Variants in CPS1 observed in about 807,000 individuals in gnomAD.
CPS1 encodes carbamoyl-phosphate synthase [ammonia], mitochondrial.
In CPS1, 109 loss-of-function variants were observed where a neutral mutation model predicts 174.6. The observed-to-expected ratio is 0.62, with a 90% CI of 0.53 to 0.73. CPS1 has a LOEUF of 0.73. CPS1 is among the 30% of genes least tolerant of loss of function. CPS1 has a pLI of 0.00. For missense variants in CPS1, 1,689 were observed against 1,821.9 expected (o/e 0.93, Z 1.33); for synonymous variants, 637 against 632.0 (o/e 1.01, Z -0.12).
chr2:210,612,433 ACTGG>A, intron 20 of CPS1, 140 bp downstream of exon 20: 1 of 761,682 alleles, frequency 1.3e-6, no homozygotes, highest in South Asian at 1.5e-5. Context: ...ATAGTATTAA[ACTGG>A]AAACATCTAT....
At position 210,528,420 on chromosome 2, in the gene CPS1, C is replaced by T. The variant is rs530972457; in HGVS notation, c.4-28299C>T. ...TATTGTACATTTGAGAGACTATCTC[C>T]TCTCATTATGTATTGATTTAATTCA... On this transcript the variant is annotated intron_variant, in intron 1 of 38. Coordinates refer to the CPS1 transcript ENST00000430249. Among the ~76,000 whole-genome samples, 4 of 152,022 alleles carry T rather than the reference C, an allele frequency of 2.6e-5. No individual in the cohort carries two copies. In the South Asian group the frequency reaches 6.2e-4, roughly 24 times the overall value.
chr2:210,611,863 A>G (rs1251335598), intron 19 of CPS1, among the ~76,000 whole-genome samples: 4 of 151,800 alleles, frequency 2.6e-5, no homozygotes, highest in Non-Finnish European at 4.4e-5. Flanking sequence ...TTCCTCATCA[A>G]TCTCAGCAAA....
At chr2:210,569,344 C>T (rs1056169691) in intron 1 of CPS1, among the ~76,000 whole-genome samples, 3 of 151,786 alleles carry the variant, frequency 2.0e-5, no homozygotes, top group Admixed American at 6.6e-5. Context: ...ACATCTAAGC[C>T]AAGAGGAAGG....
Position 210,674,942 on chromosome 2 carries a change from T to C in CPS1, c.4142T>C (p.Leu1381Ser). The change falls in exon 35 of 38, where the codon TTA becomes TCA. Residue 1381 changes from leucine to serine, a missense_variant. Leu to Ser is a moderately radical substitution (Grantham distance 145). Transcript: ENST00000233072. ...AGATTCCTTGGTGTGGCTGAACAAT[T>C]ACACAATGAAGGTTTCAAGGTATGT... Reference protein sequence around the residue: ...RPRFLGVAEQLHNEGFKLFAT... With the variant: ...RPRFLGVAEQSHNEGFKLFAT... The C allele has an allele frequency of 1.2e-6, 2 of 1,613,600 alleles. No individual in the cohort carries two copies. Among genetic ancestry groups the C allele is most frequent in the Non-Finnish European group, 1.7e-6 (2 of 1,179,512 alleles).
In CPS1 at chr2:210,678,351, C is replaced by CT; in HGVS notation, c.*367dup. The CT allele has an allele frequency of 3.3e-6, 1 of 301,826 alleles. No homozygotes were observed. 18.7% of individuals were successfully genotyped at this position (301,826 alleles called of 1,614,324 possible). ...AACTCTTTCTATACTTTAAGATACT[C>CT]TATTTTTAAAACACTATCTGCAAAC... On this transcript the variant is annotated 3_prime_UTR_variant, in exon 38 of 38. Coordinates refer to ENST00000233072, the MANE Select transcript of CPS1 (RefSeq NM_001875.5).
chr2:210,642,052 G>A (rs1159444631), intron 24 of CPS1, among the ~76,000 whole-genome samples: 3 of 152,202 alleles, frequency 2.0e-5, no homozygotes, highest in African/African-American at 4.8e-5. Context: ...TCAGCCCTCA[G>A]ACAGCAGATT....
chr2:210,532,510 G>A (rs1317210145), intron 1 of CPS1, among the ~76,000 whole-genome samples: 1 of 152,004 alleles, frequency 6.6e-6, no homozygotes, highest in African/African-American at 2.4e-5. Context: ...CTTAGGACTA[G>A]GGTAATGACT....
At position 210,536,482 on chromosome 2, in the gene CPS1, G is replaced by A. The variant is rs567639306; in HGVS notation, c.4-20237G>A. ...ACTACAGGCGCCCGCCACCATGTCC[G>A]GCTAATTTATTTTTGTATTTTTAGT... On this transcript the variant is annotated intron_variant, in intron 1 of 38. Coordinates refer to the CPS1 transcript ENST00000430249. Among the ~76,000 whole-genome samples the A allele has an allele frequency of 1.3e-4, 20 of 152,034 alleles. No individual in the cohort carries two copies. The South Asian group carries it at 3.8e-3, about 29-fold the overall frequency.
chr2:210,637,971 G>C (rs1700090450), intron 22 of CPS1, 128 bp downstream of exon 22: 2 of 1,053,938 alleles, frequency 1.9e-6, no homozygotes, highest in Admixed American at 3.7e-5. Flanking sequence ...TACTCATCCG[G>C]TTGATGCTCA....
chr2:210,520,585 T>C (rs1312355099), intron 1 of CPS1, among the ~76,000 whole-genome samples: 1 of 152,056 alleles, frequency 6.6e-6, no homozygotes, highest in Non-Finnish European at 1.5e-5. Context: ...TAATGCCTTT[T>C]CATTATCTCT....
chr2:210,606,975 A>T (rs780134463), intron 18 of CPS1, 34 bp downstream of exon 18: 1 of 1,583,242 alleles, frequency 6.3e-7, no homozygotes, highest in East Asian at 2.3e-5. Flanking sequence ...GGGTTTGCAG[A>T]TTCTTTTCAG....
chr2:210,584,456 G>A (rs1318822111), intron 6 of CPS1, among the ~76,000 whole-genome samples: 2 of 152,040 alleles, frequency 1.3e-5, no homozygotes, highest in Non-Finnish European at 1.5e-5. Context: ...ACATGTGGAC[G>A]CAAAATTTGA....
intron 1 of CPS1, among the ~76,000 whole-genome samples, chr2:210,536,069 T>C (rs1696243036): frequency 6.6e-6 from 1 of 152,134 alleles, no homozygotes; most frequent in South Asian, 2.1e-4. Context: ...GTCAGGTCTG[T>C]TGACATTATC....
At chr2:210,677,683 C>T (rs571095853) in intron 37 of CPS1, among the ~76,000 whole-genome samples, 1 of 152,312 alleles carries the variant, frequency 6.6e-6, no homozygotes, top group South Asian at 2.1e-4. Flanking sequence ...AGCGTATTCA[C>T]AGTGACATCT....
intron 18 of CPS1, among the ~76,000 whole-genome samples, chr2:210,607,713 TTCC>T (rs1489840839): frequency 6.6e-6 from 1 of 151,896 alleles, no homozygotes; most frequent in Non-Finnish European, 1.5e-5. Flanking sequence ...CTTTATCAGT[TTCC>T]TCATTTGTTA....
intron 20 of CPS1, among the ~76,000 whole-genome samples, chr2:210,613,071 C>G (rs2105860595): frequency 6.6e-6 from 1 of 152,002 alleles, no homozygotes; most frequent in African/African-American, 2.4e-5. Flanking sequence ...TCAAACCGCA[C>G]TGGTTCTACA....
chr2:210,477,984 T>C (rs1413304037), intron 1 of CPS1, among the ~76,000 whole-genome samples: 4 of 152,236 alleles, frequency 2.6e-5, no homozygotes, highest in Non-Finnish European at 5.9e-5. Context: ...AGTATGCCTC[T>C]ATCTTATTTT....
intron 1 of CPS1, among the ~76,000 whole-genome samples, chr2:210,529,597 AAAG>A (rs1696064423): frequency 6.6e-6 from 1 of 152,030 alleles, no homozygotes; most frequent in Admixed American, 6.6e-5. Context: ...AATCTGACAA[AAAG>A]AAGAACAAGT....
At chr2:210,585,691 A>G (rs992277942) in intron 6 of CPS1, among the ~76,000 whole-genome samples, 10 of 152,042 alleles carry the variant, frequency 6.6e-5, no homozygotes, top group African/African-American at 2.4e-4. Context: ...CAGTTATACT[A>G]TTAGTAACCA....
Sources: gnomAD v4.1 joint callset for allele counts (sites outside exome capture counted in the v4.1 genomes callset) on GRCh38, gnomAD v4.1.1 for gene constraint, MANE v1.5 for transcripts, NCBI Gene and HGNC (gene_info 2026-07-23, HGNC 2026-07-21) for gene names.